Variants in ANKRD44 observed in about 807,000 individuals in gnomAD.
The protein encoded by ANKRD44 is serine/threonine-protein phosphatase 6 regulatory ankyrin repeat subunit B.
In ANKRD44, 35 loss-of-function variants were observed where a neutral mutation model predicts 116.0. The observed-to-expected ratio is 0.30, with a 90% CI of 0.23 to 0.40. ANKRD44 has a LOEUF of 0.40. Ranked by LOEUF, ANKRD44 falls within the 10% of genes least tolerant of loss-of-function variation. The pLI, the probability that ANKRD44 is intolerant of heterozygous loss-of-function variation, is 1.00. For missense variants in ANKRD44, 1,014 were observed against 1,242.6 expected (o/e 0.82, Z 2.77); for synonymous variants, 435 against 461.8 (o/e 0.94, Z 0.74).
chr2:197,283,800 G>A (rs986768480), intron 1 of ANKRD44, among the ~76,000 whole-genome samples: 1 of 152,162 alleles, frequency 6.6e-6, no homozygotes, highest in African/African-American at 2.4e-5. Context: ...ATGGGGGCAG[G>A]GAGTAAAGCT....
chr2:197,310,488 G>A, intron 1 of ANKRD44, 90 bp downstream of exon 1: 2 of 910,058 alleles, frequency 2.2e-6, no homozygotes, highest in Non-Finnish European at 2.6e-6. Context: ...ACAGCTCGCG[G>A]GCGCGCTCCA....
intron 6 of ANKRD44, among the ~76,000 whole-genome samples, chr2:197,123,650 A>G (rs1372407357): frequency 6.6e-6 from 1 of 152,168 alleles, no homozygotes; most frequent in African/African-American, 2.4e-5. Flanking sequence ...ATAAATAAAT[A>G]AACAAAGAAA....
At chr2:197,057,355 T>C (rs2077222027) in intron 16 of ANKRD44, among the ~76,000 whole-genome samples, 1 of 152,230 alleles carries the variant, frequency 6.6e-6, no homozygotes, top group Admixed American at 6.5e-5. Context: ...TTTGAAGATA[T>C]ATTGTTGCAC....
intron 16 of ANKRD44, among the ~76,000 whole-genome samples, chr2:197,070,363 G>A (rs976489270): frequency 9.9e-5 from 15 of 152,054 alleles, no homozygotes; most frequent in African/African-American, 3.4e-4. Context: ...GTTGTTACAT[G>A]CTCTTTATCA....
intron 1 of ANKRD44, among the ~76,000 whole-genome samples, chr2:197,238,727 T>C (rs990743327): frequency 6.6e-6 from 1 of 151,830 alleles, no homozygotes; most frequent in African/African-American, 2.4e-5. Flanking sequence ...ATTTTTTAGA[T>C]GGAGTCTCAC....
chr2:197,255,918 C>A (rs1341685674), intron 1 of ANKRD44, among the ~76,000 whole-genome samples: 4 of 152,184 alleles, frequency 2.6e-5, no homozygotes, highest in Non-Finnish European at 4.4e-5. Flanking sequence ...ATTGCAGGAG[C>A]CTTTGAAAAG....
At chr2:196,975,631 A>T (rs1248902022) in intron 21 of ANKRD44, among the ~76,000 whole-genome samples, 1 of 151,294 alleles carries the variant, frequency 6.6e-6, no homozygotes, top group Non-Finnish European at 1.5e-5. Flanking sequence ...TTTTTAAAAA[A>T]AATACAAAAA....
At chr2:197,057,956 CT>C (rs2077235837) in intron 16 of ANKRD44, among the ~76,000 whole-genome samples, 1 of 152,134 alleles carries the variant, frequency 6.6e-6, no homozygotes, top group Non-Finnish European at 1.5e-5. Flanking sequence ...GGTTGGCAGT[CT>C]TATAGAACAC....
chr2:197,041,178 G>C (rs1240735352), intron 16 of ANKRD44, among the ~76,000 whole-genome samples: 2 of 152,180 alleles, frequency 1.3e-5, no homozygotes, highest in African/African-American at 2.4e-5. Flanking sequence ...AGACAGAGTA[G>C]ACAGAGCTAT....
At chr2:196,974,920 A>G (rs1306107260) in intron 21 of ANKRD44, among the ~76,000 whole-genome samples, 2 of 152,028 alleles carry the variant, frequency 1.3e-5, no homozygotes, top group African/African-American at 4.8e-5. Context: ...AACGAAGAGT[A>G]AACTATACCC....
intron 16 of ANKRD44, among the ~76,000 whole-genome samples, chr2:197,035,589 G>A (rs1419554826): frequency 6.6e-6 from 1 of 152,134 alleles, no homozygotes; most frequent in African/African-American, 2.4e-5. Context: ...AAGACTGAGA[G>A]GACATTTATG....
intron 2 of ANKRD44, among the ~76,000 whole-genome samples, chr2:197,168,692 T>C (rs984916166): frequency 3.3e-5 from 5 of 152,298 alleles, no homozygotes; most frequent in Admixed American, 2.0e-4. Flanking sequence ...TTTTAGATGC[T>C]CTCTCTTCCT....
At chr2:197,172,298 G>A (rs1322802810) in intron 2 of ANKRD44, among the ~76,000 whole-genome samples, 1 of 151,946 alleles carries the variant, frequency 6.6e-6, no homozygotes, top group East Asian at 1.9e-4. Context: ...CACCACGCCC[G>A]GCCCCATTAT....
intron 3 of ANKRD44, among the ~76,000 whole-genome samples, chr2:197,139,789 G>T (rs1176180055): frequency 6.6e-6 from 1 of 151,786 alleles, no homozygotes; most frequent in Admixed American, 6.6e-5. Context: ...GAAAGCTAGT[G>T]CATTTGAAGT....
intron 17 of ANKRD44, among the ~76,000 whole-genome samples, chr2:197,022,519 G>A (rs1019992889): frequency 1.3e-5 from 2 of 152,138 alleles, no homozygotes; most frequent in Non-Finnish European, 2.9e-5. Context: ...CACAACATGT[G>A]AGGCATTGCC....
intron 20 of ANKRD44, 59 bp from the exon 21 acceptor site, chr2:197,005,969 G>A: frequency 6.5e-7 from 1 of 1,539,922 alleles, no homozygotes; most frequent in Non-Finnish European, 9.0e-7. Flanking sequence ...AAGCAAAGCA[G>A]TTGGCTAAGT....
intron 27 of ANKRD44, among the ~76,000 whole-genome samples, chr2:196,991,674 G>A (rs974463802): frequency 3.3e-5 from 5 of 151,938 alleles, no homozygotes; most frequent in Admixed American, 1.3e-4. Flanking sequence ...CTTGTCTTCC[G>A]GGCTCAAGCA....
intron 16 of ANKRD44, among the ~76,000 whole-genome samples, chr2:197,028,298 C>T (rs976148388): frequency 6.6e-6 from 1 of 152,150 alleles, no homozygotes; most frequent in Non-Finnish European, 1.5e-5. Flanking sequence ...ACATAGCTCA[C>T]TGCAGCCTTG....
At chr2:197,219,930 A>G (rs1381383800) in intron 1 of ANKRD44, among the ~76,000 whole-genome samples, 2 of 152,228 alleles carry the variant, frequency 1.3e-5, no homozygotes, top group Non-Finnish European at 2.9e-5. Flanking sequence ...AATGCCTTCT[A>G]ACAAAAATTT....
Sources: gnomAD v4.1 joint callset for allele counts (sites outside exome capture counted in the v4.1 genomes callset) on GRCh38, gnomAD v4.1.1 for gene constraint, MANE v1.5 for transcripts, NCBI Gene and HGNC (gene_info 2026-07-23, HGNC 2026-07-21) for gene names.